The following DSCAML1 variants were observed in gnomAD, a reference collection of about 807,000 sequenced individuals.
DSCAML1 encodes cell adhesion molecule DSCAML1.
In DSCAML1, 38 loss-of-function variants were observed where a neutral mutation model predicts 200.5. The ratio of observed to expected loss-of-function variants is 0.19; its 90% CI spans 0.15 to 0.25. The LOEUF (loss-of-function observed/expected upper bound fraction) is 0.25, where lower values mean the gene tolerates loss of function less well. Among genes scored for constraint, DSCAML1 ranks in the 10% least tolerant of loss-of-function variants. The pLI is 1.00. For synonymous variants in DSCAML1, 1,215 were observed against 1,165.0 expected (o/e 1.04, Z -0.87); for missense variants, 2,223 against 2,858.8 (o/e 0.78, Z 5.07).
At position 117,458,881 on chromosome 11, in the gene DSCAML1, G is replaced by C. The variant is rs115831160; in HGVS notation, c.3441C>G (p.Thr1147=). Residue 1147 remains threonine (T), a synonymous_variant, in exon 19 of 33, where the codon ACC becomes ACG. Coordinates refer to ENST00000651296, the MANE Select transcript of DSCAML1 (RefSeq NM_020693.4). ...GEWGEMQNIT[T]TRERVELRGM... ...CCCGCAGCTCCACCCGCTCCCGCGT[G>C]GTGGTGATGTTCTGCATCTCGCCCC... The C allele has an allele frequency of 4.4e-4, 703 of 1,613,952 alleles. 2 individuals carry two copies. The African/African-American group carries it at 5.1e-3, about 12-fold the overall frequency.
chr11:117,816,129 G>A (rs11216563), intron 1 of DSCAML1, among the ~76,000 whole-genome samples: 3,775 of 152,224 alleles, frequency 0.025, 154 homozygotes, highest in African/African-American at 0.086. Context: ...GTCACTCAAC[G>A]GCAAACTATG....
At chr11:117,772,600 C>A (rs1330762718) in intron 3 of DSCAML1, among the ~76,000 whole-genome samples, 1 of 152,172 alleles carries the variant, frequency 6.6e-6, no homozygotes, top group Admixed American at 6.5e-5. Context: ...TGCTGGGAGA[C>A]TCCCACAAGG....
Position 117,810,049 on chromosome 11 carries a change from TCACA to T in DSCAML1, c.-250+7337_-250+7340del, listed in dbSNP as rs759388450. Reference sequence around the variant, plus strand: ...CAAATATTTTCACACACATTCACACTCACACACATTCACACACTCACTTACACAT... The same window carrying T: ...CAAATATTTTCACACACATTCACACTCACATTCACACACTCACTTACACAT... On this transcript the variant is annotated intron_variant, in intron 1 of 2. Coordinates refer to the DSCAML1 transcript ENST00000525836. 3.0e-4 allele frequency among the ~76,000 whole-genome samples: 45 copies of T among 150,362 alleles called. 1 individual carries two copies. Among genetic ancestry groups the T allele is most frequent in the Admixed American group, 1.2e-3 (18 of 15,146 alleles).
chr11:117,428,496 G>A lies in DSCAML1; in HGVS notation c.5994C>T (p.Ala1998=), dbSNP rs1275886750. ...TGGGGGCCGGAGGGGCAGCGCTGGGGGCGGTGGGTGGCTCAGCAGGGGTGG... is the reference window on the plus strand; with the variant it reads ...TGGGGGCCGGAGGGGCAGCGCTGGGAGCGGTGGGTGGCTCAGCAGGGGTGG... ...PGPTPAEPPT[A]PSAAPPAPST... Residue 1998 remains alanine, a synonymous_variant, in exon 33 of 33, where the codon GCC becomes GCT. Transcript: ENST00000651296. 6.6e-7 allele frequency: 1 copy of A among 1,525,094 alleles called. No homozygotes were observed. The highest frequency in any genetic ancestry group is 1.3e-5 in the South Asian group (1 of 79,294). The allele number at this position is 1,525,094 out of a possible 1,614,324, so 94.5% of individuals were successfully genotyped here.
intron 3 of DSCAML1, among the ~76,000 whole-genome samples, chr11:117,679,261 A>G (rs1247482787): frequency 1.3e-5 from 2 of 152,166 alleles, no homozygotes; most frequent in Non-Finnish European, 2.9e-5. Flanking sequence ...CTAGAGGCCC[A>G]GGCAGAGACC....
At chr11:117,510,764 A>G (rs758502578) in intron 8 of DSCAML1, among the ~76,000 whole-genome samples, 10 of 152,176 alleles carry the variant, frequency 6.6e-5, no homozygotes, top group Non-Finnish European at 1.0e-4. Context: ...TGAATGAATG[A>G]CATTCGTGGT....
At chr11:117,488,377 T>C (rs975819965) in intron 11 of DSCAML1, among the ~76,000 whole-genome samples, 1 of 152,218 alleles carries the variant, frequency 6.6e-6, no homozygotes, top group Non-Finnish European at 1.5e-5. Context: ...ACAAGATCTC[T>C]CTGCTTCATT....
Position 117,496,503 on chromosome 11 carries a change from C to T in DSCAML1, c.2359+7342G>A, listed in dbSNP as rs184233358. On this transcript the variant is annotated intron_variant, in intron 11 of 32. Transcript: ENST00000651296. Reference sequence around the variant, plus strand: ...ATTAAGTAGAGCTGCCCCATGATAACCTTGACTCTCTTTTGTCTCGGAGCA... The same window carrying T: ...ATTAAGTAGAGCTGCCCCATGATAATCTTGACTCTCTTTTGTCTCGGAGCA... Among the ~76,000 whole-genome samples, 38 of 152,316 alleles carry T rather than the reference C, an allele frequency of 2.5e-4. No homozygotes were observed. The South Asian group carries it at 7.5e-3, about 30-fold the overall frequency.
intron 3 of DSCAML1, among the ~76,000 whole-genome samples, chr11:117,553,733 C>G (rs1034037503): frequency 4.6e-5 from 7 of 152,162 alleles, no homozygotes; most frequent in African/African-American, 1.4e-4. Context: ...TGGATGGCTC[C>G]TCAAAAAAAA....
intron 6 of DSCAML1, among the ~76,000 whole-genome samples, chr11:117,519,665 T>TA (rs951167237): frequency 2.0e-4 from 30 of 151,894 alleles, no homozygotes; most frequent in East Asian, 9.7e-4. Context: ...AGAAAAAATG[T>TA]AAAAAAATAG....
intron 3 of DSCAML1, among the ~76,000 whole-genome samples, chr11:117,638,821 A>G (rs692840): frequency 0.69 from 105,429 of 152,096 alleles, 36,808 homozygotes; most frequent in Admixed American, 0.78. Context: ...TGGCTATTAA[A>G]AATAATGCTG....
chr11:117,530,096 C>T (rs539382312), intron 4 of DSCAML1, among the ~76,000 whole-genome samples: 4 of 152,084 alleles, frequency 2.6e-5, no homozygotes, highest in African/African-American at 7.2e-5. Context: ...TCTTGTCTGT[C>T]GGTACCGTCC....
At chr11:117,651,127 G>A (rs940827381) in intron 3 of DSCAML1, among the ~76,000 whole-genome samples, 17 of 152,244 alleles carry the variant, frequency 1.1e-4, no homozygotes, top group African/African-American at 3.9e-4. Context: ...CATTTTGACC[G>A]AAGCCTCAAT....
chr11:117,449,370 G>A (rs528742797), intron 20 of DSCAML1, among the ~76,000 whole-genome samples: 2 of 152,206 alleles, frequency 1.3e-5, no homozygotes, highest in Admixed American at 1.3e-4. Flanking sequence ...AGGATGGAGT[G>A]GGGGGCCGCA....
chr11:117,777,907 T>C (rs2055160649), intron 2 of DSCAML1, among the ~76,000 whole-genome samples: 2 of 152,118 alleles, frequency 1.3e-5, no homozygotes, highest in African/African-American at 4.8e-5. Context: ...CCCCCTTATC[T>C]GCCAAGCAAA....
intron 3 of DSCAML1, among the ~76,000 whole-genome samples, chr11:117,615,513 C>T (rs1218654849): frequency 6.6e-6 from 1 of 152,080 alleles, no homozygotes; most frequent in Non-Finnish European, 1.5e-5. Flanking sequence ...GGGAGTCCCA[C>T]TGACCCTAGC....
At chr11:117,798,275 T>C (rs1264336925), upstream of DSCAML1, among the ~76,000 whole-genome samples, 1 of 152,100 alleles carries the variant, frequency 6.6e-6, no homozygotes, top group Admixed American at 6.5e-5. Flanking sequence ...AGTGCGAAGT[T>C]TGGAGGGAGA....
At chr11:117,537,383 ACTGGGGAAGG>A in intron 3 of DSCAML1, among the ~76,000 whole-genome samples, 1 of 152,272 alleles carries the variant, frequency 6.6e-6, no homozygotes, top group Non-Finnish European at 1.5e-5. Flanking sequence ...GTGCTGGGGT[ACTGGGGAAGG>A]CTGTGGAAGG....
chr11:117,488,147 A>G (rs2049113994), intron 11 of DSCAML1, among the ~76,000 whole-genome samples: 2 of 152,240 alleles, frequency 1.3e-5, no homozygotes, highest in Non-Finnish European at 2.9e-5. Context: ...TAACCAGAAC[A>G]GAGAACTCTG....
Sources: gnomAD v4.1 joint callset for allele counts (sites outside exome capture counted in the v4.1 genomes callset) on GRCh38, gnomAD v4.1.1 for gene constraint, MANE v1.5 for transcripts, NCBI Gene and HGNC (gene_info 2026-07-23, HGNC 2026-07-21) for gene names.